Variants in SIRT4 observed in about 807,000 individuals in gnomAD.
SIRT4 encodes sirtuin 4, also known as NAD-dependent protein lipoamidase sirtuin-4, mitochondrial.
In SIRT4, 23 loss-of-function variants were observed where a neutral mutation model predicts 26.1. The ratio of observed to expected loss-of-function variants is 0.88; its 90% CI spans 0.63 to 1.25. SIRT4 has a LOEUF of 1.25. SIRT4 is among the 50% of genes most tolerant of loss of function. The pLI is 0.00. For missense variants in SIRT4, 361 were observed against 405.4 expected, an observed-to-expected ratio of 0.89 and a Z score of 0.94; for synonymous variants, 155 against 158.4, an observed-to-expected ratio of 0.98 and a Z score of 0.16.
At chr12:120,295,164 A>G in the SIRT4 span, among the ~76,000 whole-genome samples, 1 of 147,944 alleles carries the variant, frequency 6.8e-6, no homozygotes, top group Non-Finnish European at 1.5e-5. Flanking sequence ...CCTTTTGTCT[A>G]TGGGAATAAT....
At chr12:120,296,086 C>CAAAAAAAAA in the SIRT4 span, among the ~76,000 whole-genome samples, 1 of 40,178 alleles carries the variant, frequency 2.5e-5, no homozygotes, top group Non-Finnish European at 4.3e-5. Flanking sequence ...GACTCCGTCT[C>CAAAAAAAAA]AAAAAAAAAA....
At chr12:120,305,950 T>C (rs1397205762) in intron 2 of SIRT4, among the ~76,000 whole-genome samples, 1 of 145,316 alleles carries the variant, frequency 6.9e-6, no homozygotes, top group Non-Finnish European at 1.5e-5. Context: ...AGGTGGAGCT[T>C]GTGGTGAGCC....
the SIRT4 span, among the ~76,000 whole-genome samples, chr12:120,293,713 C>T: frequency 6.6e-6 from 1 of 152,098 alleles, no homozygotes; most frequent in African/African-American, 2.4e-5. Flanking sequence ...CACTACTTAC[C>T]TCCAGAACTT....
chr12:120,292,941 A>C, the SIRT4 span, among the ~76,000 whole-genome samples: 4 of 152,220 alleles, frequency 2.6e-5, no homozygotes, highest in Non-Finnish European at 4.4e-5. Flanking sequence ...TCACTAAAAC[A>C]GGTAAACTTG....
the SIRT4 span, chr12:120,293,370 GA>G: frequency 2.0e-5 from 3 of 152,164 alleles, no homozygotes; most frequent in Admixed American, 6.6e-5. Flanking sequence ...AGATGTTTGT[GA>G]CCTGCGTAGG....
chr12:120,300,258 C>T (rs1872496508), upstream of SIRT4, among the ~76,000 whole-genome samples: 1 of 151,548 alleles, frequency 6.6e-6, no homozygotes, highest in African/African-American at 2.4e-5. Flanking sequence ...CACAACTGCA[C>T]TCCAGCCTGG....
chr12:120,293,046 C>T, the SIRT4 span: 37 of 149,598 alleles, frequency 2.5e-4, no homozygotes, highest in East Asian at 2.0e-4. Context: ...AAACCAAGCA[C>T]CCCCACACAC....
intron 2 of SIRT4, among the ~76,000 whole-genome samples, chr12:120,310,337 G>C (rs538549300): frequency 5.3e-4 from 81 of 152,112 alleles, no homozygotes; most frequent in African/African-American, 1.9e-3. Flanking sequence ...TTGCACTCCA[G>C]CCTGGGCGAC....
chr12:120,312,655 T>C lies in SIRT4; in HGVS notation c.697T>C (p.Phe233Leu), dbSNP rs756686204. The stretch of plus-strand genomic sequence containing the variant: ...AGGCCATCTGAAACCAGATGTCGTT[T>C]TCTTCGGGGACACAGTGAACCCTGA... ...CGGHLKPDVV[F>L]FGDTVNPDKV... is the part of the protein sequence containing the mutation. The change falls in exon 3 of 4, where the codon TTC becomes CTC. Residue 233 changes from phenylalanine to leucine, a missense_variant. Phe to Leu is a conservative substitution (Grantham distance 22). Transcript: ENST00000202967. The C allele has an allele frequency of 8.1e-6, 13 of 1,613,998 alleles. No individual in the cohort carries two copies. In the Admixed American group the frequency reaches 1.5e-4, roughly 19 times the overall value.
At chr12:120,295,419 A>AATT in the SIRT4 span, among the ~76,000 whole-genome samples, 707 of 81,254 alleles carry the variant, frequency 8.7e-3, 42 homozygotes, top group African/African-American at 0.026. Context: ...TATATAGATA[A>AATT]TTTTTTTTTT....
chr12:120,313,047 A>T lies in SIRT4; in HGVS notation c.*11A>T. On this transcript the variant is annotated 3_prime_UTR_variant, in exon 4 of 4. Transcript: ENST00000202967. ...ATAGACCCATGCTGACCACAGCCTG[A>T]TATTCCAGAACCTGGAACAGGGACT... The T allele has an allele frequency of 6.2e-7, 1 of 1,614,024 alleles. No homozygotes were observed. The highest frequency in any genetic ancestry group is 8.5e-7 in the Non-Finnish European group (1 of 1,179,988).
At chr12:120,293,166 A>T in the SIRT4 span, 1 of 152,210 alleles carries the variant, frequency 6.6e-6, no homozygotes, top group Non-Finnish European at 1.5e-5. Flanking sequence ...GGTATTGGGA[A>T]AAGTTTTCAA....
At chr12:120,310,861 G>T (rs1200227133) in intron 2 of SIRT4, among the ~76,000 whole-genome samples, 2 of 150,452 alleles carry the variant, frequency 1.3e-5, no homozygotes, top group Non-Finnish European at 3.0e-5. Context: ...TCAGCCTCCC[G>T]AGTAGCTGGG....
intron 2 of SIRT4, among the ~76,000 whole-genome samples, chr12:120,305,241 ACG>A (rs1491497845): frequency 7.9e-5 from 4 of 50,816 alleles, no homozygotes; most frequent in Admixed American, 2.5e-4. Context: ...TTGTGTGTGC[ACG>A]TGTGTGTGTG....
rs1873042543 is a variant in SIRT4, at chr12:120,312,763, G to GC, written c.792+14dup. The GC allele has an allele frequency of 6.2e-7, 1 of 1,609,466 alleles. No homozygotes were observed. On this transcript the variant is annotated intron_variant, in intron 3 of 3. Coordinates refer to ENST00000202967, the MANE Select transcript of SIRT4 (RefSeq NM_012240.3). ...ATCATCCTTGCAGGTATCTGACTTG[G>GC]CAAGAGTGGTAACCACCCCTTGTGC...
intron 2 of SIRT4, among the ~76,000 whole-genome samples, chr12:120,308,954 G>C (rs953344755): frequency 2.0e-5 from 3 of 152,114 alleles, no homozygotes; most frequent in African/African-American, 4.8e-5. Flanking sequence ...TGGATAACCT[G>C]AGGTCGGGAG....
chr12:120,304,106 G>C (rs751395306), intron 2 of SIRT4, 48 bp downstream of exon 2: 1 of 1,580,724 alleles, frequency 6.3e-7, no homozygotes, highest in Non-Finnish European at 8.6e-7. Context: ...TGTTGTTTTG[G>C]GAGAGTAGGG....
Position 120,312,666 on chromosome 12 carries a change from C to A in SIRT4, c.708C>A (p.Asp236Glu). The change falls in exon 3 of 4, where the codon GAC becomes GAA. Residue 236 changes from aspartate to glutamate, a missense_variant. Asp to Glu is a conservative substitution (Grantham distance 45, BLOSUM62 2). Transcript: ENST00000202967. ...HLKPDVVFFG[D>E]TVNPDKVDFV... Reference sequence around the variant, plus strand: ...AACCAGATGTCGTTTTCTTCGGGGACACAGTGAACCCTGACAAGGTTGATT... The same window carrying A: ...AACCAGATGTCGTTTTCTTCGGGGAAACAGTGAACCCTGACAAGGTTGATT... 1 of 1,614,098 alleles carries A rather than the reference C, an allele frequency of 6.2e-7. No individual in the cohort carries two copies. The highest frequency in any genetic ancestry group is 8.5e-7 in the Non-Finnish European group (1 of 1,180,036).
chr12:120,308,893 GGC>G (rs1213534707), intron 2 of SIRT4, among the ~76,000 whole-genome samples: 2 of 152,104 alleles, frequency 1.3e-5, no homozygotes, highest in African/African-American at 4.8e-5. Context: ...TTTTCCGCCG[GGC>G]GTGGTGGCTC....
Sources: allele counts gnomAD v4.1 joint callset (sites outside exome capture counted in the v4.1 genomes callset), GRCh38; gene constraint gnomAD v4.1.1; transcripts MANE v1.5; gene names NCBI Gene and HGNC (gene_info 2026-07-23, HGNC 2026-07-21).